The following RMP24 variants were observed in gnomAD, a reference collection of about 807,000 sequenced individuals.
RMP24 encodes ribonuclease MRP protein subunit p24.
the RMP24 span, chr18:35,975,195 T>G: frequency 3.2e-6 from 3 of 933,686 alleles, no homozygotes; most frequent in Admixed American, 2.9e-5. Context: ...CAGAGATTTA[T>G]AGTAGTATAT....
the RMP24 span, chr18:35,972,841 G>A: frequency 1.2e-6 from 2 of 1,614,122 alleles, no homozygotes; most frequent in East Asian, 2.2e-5. Context: ...AGGCGAGCGG[G>A]TAGGTGTTCC....
the RMP24 span, chr18:35,977,488 A>T: frequency 6.2e-7 from 1 of 1,614,214 alleles, no homozygotes; most frequent in South Asian, 1.1e-5. Flanking sequence ...ATTGAAGAGC[A>T]ATCCTGCCAC....
At chr18:35,973,057 T>C in the RMP24 span, 3 of 1,036,572 alleles carry the variant, frequency 2.9e-6, no homozygotes, top group Non-Finnish European at 2.9e-6. Flanking sequence ...TCGTGAAAAA[T>C]CCAAATTCTT....
At chr18:35,979,254 A>G in the RMP24 span, 16 of 260,032 alleles carry the variant, frequency 6.2e-5, no homozygotes, top group Non-Finnish European at 1.0e-4. Flanking sequence ...ATGTGTATGT[A>G]TATAAAGATA....
At chr18:35,972,770 G>A in the RMP24 span, 1 of 1,613,926 alleles carries the variant, frequency 6.2e-7, no homozygotes, top group African/African-American at 1.3e-5. Context: ...CGCGGGGACT[G>A]CACGACAGCT....
the RMP24 span, among the ~76,000 whole-genome samples, chr18:35,976,744 A>G: frequency 2.0e-5 from 3 of 152,220 alleles, no homozygotes; most frequent in African/African-American, 4.8e-5. Flanking sequence ...ATCTGCAAAA[A>G]AATATTAAAT....
At chr18:35,974,395 T>C in the RMP24 span, among the ~76,000 whole-genome samples, 1 of 152,220 alleles carries the variant, frequency 6.6e-6, no homozygotes, top group African/African-American at 2.4e-5. Flanking sequence ...TATGAATGAG[T>C]TTCACATTTG....
the RMP24 span, among the ~76,000 whole-genome samples, chr18:35,976,271 T>A: frequency 6.1e-5 from 9 of 148,262 alleles, no homozygotes; most frequent in African/African-American, 2.2e-4. Flanking sequence ...TGCCTCAGCC[T>A]CCTGAGTAGC....
chr18:35,977,345 C>G, the RMP24 span: 1 of 1,445,528 alleles, frequency 6.9e-7, no homozygotes, highest in South Asian at 1.3e-5. Context: ...TTCAATGAAC[C>G]TGTGGTTTAT....
the RMP24 span, chr18:35,973,765 A>C: frequency 6.6e-6 from 1 of 152,244 alleles, no homozygotes. Context: ...TACTAAAAAT[A>C]CAAAAAAATT....
chr18:35,975,329 A>T, the RMP24 span, among the ~76,000 whole-genome samples: 1,353 of 152,308 alleles, frequency 8.9e-3, 30 homozygotes, highest in African/African-American at 0.031. Flanking sequence ...TTGTTTTGAG[A>T]TCCCATTGTT....
chr18:35,978,611 C>CA, the RMP24 span, among the ~76,000 whole-genome samples: 49 of 145,086 alleles, frequency 3.4e-4, no homozygotes, highest in East Asian at 1.0e-3. Context: ...ACTCCGTCTC[C>CA]AAAAAAAAAA....
the RMP24 span, chr18:35,975,074 C>A: frequency 6.2e-7 from 1 of 1,613,012 alleles, no homozygotes; most frequent in South Asian, 1.1e-5. Context: ...TGAAAAAGTT[C>A]AAAGACTCCA....
the RMP24 span, among the ~76,000 whole-genome samples, chr18:35,974,441 A>G: frequency 1.3e-4 from 20 of 152,368 alleles, no homozygotes; most frequent in South Asian, 8.3e-4. Context: ...TTAGCTTTAT[A>G]AGTGCTGTTG....
chr18:35,973,078 T>G, the RMP24 span: 1 of 815,654 alleles, frequency 1.2e-6, no homozygotes, highest in South Asian at 1.6e-5. Flanking sequence ...TAATGTGCCT[T>G]GTCTTGCTTT....
the RMP24 span, among the ~76,000 whole-genome samples, chr18:35,977,960 C>T: frequency 1.3e-5 from 2 of 152,206 alleles, no homozygotes; most frequent in Non-Finnish European, 2.9e-5. Context: ...CCTTTCTGGA[C>T]ATTTTGACCT....
At chr18:35,972,839 G>C in the RMP24 span, 1 of 1,614,208 alleles carries the variant, frequency 6.2e-7, no homozygotes, top group Non-Finnish European at 8.5e-7. Flanking sequence ...GGAGGCGAGC[G>C]GGTAGGTGTT....
chr18:35,972,751 A>C, the RMP24 span: 2 of 1,613,246 alleles, frequency 1.2e-6, no homozygotes, highest in Non-Finnish European at 8.5e-7. Context: ...CACTACCTTG[A>C]GGCTGCAGCG....
chr18:35,975,215 C>G, the RMP24 span: 1 of 769,424 alleles, frequency 1.3e-6, no homozygotes, highest in Non-Finnish European at 2.0e-6. Flanking sequence ...TTTGGATTAT[C>G]AAAATATATA....
Sources: gnomAD v4.1 joint callset for allele counts (sites outside exome capture counted in the v4.1 genomes callset) on GRCh38, gnomAD v4.1.1 for gene constraint, MANE v1.5 for transcripts, NCBI Gene and HGNC (gene_info 2026-07-23, HGNC 2026-07-21) for gene names.